The following ZNF207 variants were observed in gnomAD, a reference collection of about 807,000 sequenced individuals.
The protein encoded by ZNF207 is BUB3-interacting and GLEBS motif-containing protein ZNF207.
ZNF207 carries 24 observed loss-of-function variants against 60.2 expected under a neutral mutation model. The observed-to-expected ratio is 0.40, with a 90% CI of 0.29 to 0.56. The LOEUF (loss-of-function observed/expected upper bound fraction) is 0.56. ZNF207 is among the 20% of genes least tolerant of loss of function. The probability of loss-of-function intolerance (pLI) is 0.49; values close to 1 mark genes in which losing one functional copy is unlikely to be tolerated. For synonymous variants in ZNF207, 236 were observed against 194.7 expected (o/e 1.21, Z -1.77); for missense variants, 452 against 636.6 (o/e 0.71, Z 3.12).
intron 2 of ZNF207, among the ~76,000 whole-genome samples, chr17:32,355,370 C>G (rs1382150355): frequency 6.6e-6 from 1 of 152,110 alleles, no homozygotes; most frequent in Non-Finnish European, 1.5e-5. Flanking sequence ...ACTTGGGCTA[C>G]AAGAGTGAAA....
rs953313709 is a variant in ZNF207, at chr17:32,371,895, C to T, written c.*2136C>T. Reference sequence around the variant, plus strand: ...GCCAAGTCCCAAACCACTTTCCCCTCTGAACCTCTGCTTACCTAAATGGTT... The same window carrying T: ...GCCAAGTCCCAAACCACTTTCCCCTTTGAACCTCTGCTTACCTAAATGGTT... On this transcript the variant is annotated 3_prime_UTR_variant, in exon 12 of 12. Transcript: ENST00000394670. 1 of 152,206 alleles carries T rather than the reference C, an allele frequency of 6.6e-6. No homozygotes were observed. Among genetic ancestry groups the T allele is most frequent in the Non-Finnish European group, 1.5e-5 (1 of 68,040 alleles). 9.4% of individuals were successfully genotyped at this position (152,206 alleles called of 1,614,324 possible).
chr17:32,365,738 GTTTT>G (rs60104494), intron 8 of ZNF207: 2 of 134,104 alleles, frequency 1.5e-5, no homozygotes, highest in Non-Finnish European at 3.1e-5. Flanking sequence ...TTTATTCTTA[GTTTT>G]TTTTTTTTTT....
chr17:32,376,852 A>G lies in ZNF207; in HGVS notation c.*7093A>G, dbSNP rs1274884384. 1.3e-5 allele frequency: 2 copies of G among 152,052 alleles called. No individual in the cohort carries two copies. Among genetic ancestry groups the G allele is most frequent in the African/African-American group, 4.8e-5 (2 of 41,438 alleles). The allele number at this position is 152,052 out of a possible 1,614,324, so 9.4% of individuals were successfully genotyped here. A position where few individuals can be genotyped will look rare whatever the true frequency, so the allele number is the denominator to read the frequency against. On this transcript the variant is annotated 3_prime_UTR_variant, in exon 12 of 12. Transcript: ENST00000394670. Reference sequence around the variant, plus strand: ...GGAACCCACCCATTAATTCTAAATGATGTAATGGTCTATAAGGTAGTAATC... The same window carrying G: ...GGAACCCACCCATTAATTCTAAATGGTGTAATGGTCTATAAGGTAGTAATC...
chr17:32,360,860 GTTA>G (rs1364872740), intron 4 of ZNF207, 29 bp from the exon 5 acceptor site: 7 of 1,613,258 alleles, frequency 4.3e-6, no homozygotes, highest in South Asian at 1.1e-5. Context: ...TTTAATATTT[GTTA>G]TTATTTTGAT....
At chr17:32,363,478 G>A (rs1006832945) in intron 7 of ZNF207, among the ~76,000 whole-genome samples, 57 of 144,378 alleles carry the variant, frequency 3.9e-4, no homozygotes, top group African/African-American at 1.3e-3. Flanking sequence ...TACTTAGAGC[G>A]CTTGTATTTG....
chr17:32,350,407 T>G, intron 1 of ZNF207, 81 bp downstream of exon 1: 1 of 1,585,734 alleles, frequency 6.3e-7, no homozygotes, highest in Non-Finnish European at 8.7e-7. Context: ...TGGATTTGGC[T>G]TACGGCGTGG....
chr17:32,354,571 A>G (rs770982755), intron 2 of ZNF207, among the ~76,000 whole-genome samples: 22 of 151,790 alleles, frequency 1.4e-4, no homozygotes, highest in Non-Finnish European at 2.5e-4. Flanking sequence ...TGGCCTCCCA[A>G]AGTGCTGGGA....
chr17:32,357,565 T>C (rs1351230877), intron 2 of ZNF207, among the ~76,000 whole-genome samples: 1 of 151,818 alleles, frequency 6.6e-6, no homozygotes. Context: ...GTCAGGCTGG[T>C]CTCGAACTCT....
At position 32,379,514 on chromosome 17, in the gene ZNF207, T is replaced by C. The variant is rs966961200; in HGVS notation, c.*9755T>C. 1 of 152,140 alleles carries C rather than the reference T, an allele frequency of 6.6e-6. No homozygotes were observed. Among genetic ancestry groups the C allele is most frequent in the African/African-American group, 2.4e-5 (1 of 41,438 alleles). The allele number at this position is 152,140 out of a possible 1,614,324, so 9.4% of individuals were successfully genotyped here. A position where few individuals can be genotyped will look rare whatever the true frequency, so the allele number is the denominator to read the frequency against. ...TTTAAGAAAGTTCTTAAACATTTTT[T>C]TTAGTTGGCAGCCAAAAGATTTTTC... On this transcript the variant is annotated 3_prime_UTR_variant, in exon 12 of 12. Transcript: ENST00000394670.
chr17:32,369,355 C>A lies in ZNF207; in HGVS notation c.1225C>A (p.Pro409Thr). Residue 409 changes from proline to threonine, a missense_variant, in exon 11 of 12, where the codon CCC (proline) becomes ACC (threonine). Pro to Thr is a conservative substitution (Grantham distance 38). Coordinates refer to ENST00000394670, the MANE Select transcript of ZNF207 (RefSeq NM_001098507.2). ...TAATCTTCCTCGGCCAGGACAGGCC[C>A]CCATCGGTAATCCACCAGTTGGACC... is the stretch of plus-strand genomic sequence containing the variant. ...QRNLPRPGQA[P>T]IGNPPVGPIG... is the part of the protein sequence containing the mutation. 3.1e-6 allele frequency: 5 copies of A among 1,614,116 alleles called. No individual in the cohort carries two copies. The highest frequency in any genetic ancestry group is 3.3e-4 in the Middle Eastern group (2 of 6,062).
Position 32,379,464 on chromosome 17 carries a change from A to T in ZNF207, c.*9705A>T, listed in dbSNP as rs997777224. The stretch of plus-strand genomic sequence containing the variant: ...ACATAAATTATTTCATTTTGGTGAG[A>T]TGGAATAAATGTTTAAAATTAGTAT... On this transcript the variant is annotated 3_prime_UTR_variant, in exon 12 of 12. Transcript: ENST00000394670. 1 of 152,136 alleles carries T rather than the reference A, an allele frequency of 6.6e-6. No homozygotes were observed. The highest frequency in any genetic ancestry group is 1.5e-5 in the Non-Finnish European group (1 of 67,976). 9.4% of individuals were successfully genotyped at this position (152,136 alleles called of 1,614,324 possible).
chr17:32,367,839 C>T lies in ZNF207; in HGVS notation c.989C>T (p.Thr330Ile). ...FKPLNSTPAT[T>I]TEPPKPTFPA... ...CCCTTAAATAGTACCCCTGCAACAA[C>T]TACAGAACCCCCAAAGCCTACATTC... Residue 330 changes from threonine (T) to isoleucine (I), a missense_variant, in exon 10 of 12, where the codon ACT becomes ATT. By Grantham distance (89) the Thr-to-Ile change is moderately conservative. Transcript: ENST00000394670. 6.2e-7 allele frequency: 1 copy of T among 1,614,152 alleles called. No homozygotes were observed.
At chr17:32,357,348 ATTATT>A (rs574493464) in intron 2 of ZNF207, among the ~76,000 whole-genome samples, 18,324 of 75,192 alleles carry the variant, frequency 0.24, 1,272 homozygotes, top group Non-Finnish European at 0.29. Context: ...TATTATTATT[ATTATT>A]TTTTTTTTTT....
rs754841457 is a variant in ZNF207, at chr17:32,378,521, A to G, written c.*8762A>G. 2 of 151,988 alleles carry G rather than the reference A, an allele frequency of 1.3e-5. No homozygotes were observed. The highest frequency in any genetic ancestry group is 6.6e-5 in the Admixed American group (1 of 15,248). The allele number at this position is 151,988 out of a possible 1,614,324, so 9.4% of individuals were successfully genotyped here. A position where few individuals can be genotyped will look rare whatever the true frequency, so the allele number is the denominator to read the frequency against. On this transcript the variant is annotated 3_prime_UTR_variant, in exon 12 of 12. Transcript: ENST00000394670. ...TATTTTTGTTCTTTTTTTGTAAACT[A>G]TAACGTATCCCGTTGGTGTACCAGT...
chr17:32,350,452 G>C lies in ZNF207; in HGVS notation c.41+126G>C, dbSNP rs999879859. Reference sequence around the variant, plus strand: ...ATTTAGGCGTCTGCGTGGGTGGCCTGGTGGCTGGGATTGGACTTGGGAAGG... The same window carrying C: ...ATTTAGGCGTCTGCGTGGGTGGCCTCGTGGCTGGGATTGGACTTGGGAAGG... On this transcript the variant is annotated intron_variant, in intron 1 of 11. Transcript: ENST00000394670. 1.1e-4 allele frequency: 140 copies of C among 1,294,090 alleles called. 1 individual carries two copies. The Middle Eastern group carries it at 1.8e-3, about 17-fold the overall frequency. The allele number at this position is 1,294,090 out of a possible 1,614,324, so 80.2% of individuals were successfully genotyped here. A position where few individuals can be genotyped will look rare whatever the true frequency, so the allele number is the denominator to read the frequency against.
At position 32,367,877 on chromosome 17, in the gene ZNF207, C is replaced by A; in HGVS notation, c.1027C>A (p.Gln343Lys). 1 of 1,614,186 alleles carries A rather than the reference C, an allele frequency of 6.2e-7. No individual in the cohort carries two copies. Among genetic ancestry groups the A allele is most frequent in the Non-Finnish European group, 8.5e-7 (1 of 1,180,032 alleles). The change falls in exon 10 of 12, where the codon CAG becomes AAG. Residue 343 changes from glutamine to lysine, a missense_variant. Gln to Lys is a moderately conservative substitution (Grantham distance 53). This residue lies in a region of ZNF207 where 390 missense variants were observed against 461.4 expected (regional missense o/e 0.85). Coordinates refer to ENST00000394670, the MANE Select transcript of ZNF207 (RefSeq NM_001098507.2). ...PPKPTFPAYT[Q>K]STASTTSTTN... ...AAAGCCTACATTCCCTGCTTATACA[C>A]AGTCTACAGCTTCAACAACTAGTAC... is the stretch of plus-strand genomic sequence containing the variant.
At chr17:32,361,277 A>G (rs556310826) in intron 5 of ZNF207, 191 bp from the exon 6 acceptor site, 37 of 574,566 alleles carry the variant, frequency 6.4e-5, no homozygotes, top group African/African-American at 6.2e-4. Flanking sequence ...GACACTTTGT[A>G]GTTGTGACAA....
rs1447045105 is a variant in ZNF207, at chr17:32,357,336, ATTATTATTATTATTATTTT to A, written c.169-1164_169-1146del. 3.5e-3 allele frequency among the ~76,000 whole-genome samples: 304 copies of A among 87,866 alleles called. 7 individuals carry two copies. The highest frequency in any genetic ancestry group is 0.013 in the African/African-American group (269 of 20,048). The allele number at this position is 87,866 out of a possible 152,430, so 57.6% of individuals were successfully genotyped here. On this transcript the variant is annotated intron_variant, in intron 2 of 11. Transcript: ENST00000394670. ...AATTATTATTATTATTATTATTATTATTATTATTATTATTATTTTTTTTTTTTTTTGAGACAGAATCTCG... is the reference window on the plus strand; with the variant it reads ...AATTATTATTATTATTATTATTATTATTTTTTTTTTTGAGACAGAATCTCG...
chr17:32,369,442 A>G lies in ZNF207; in HGVS notation c.1312A>G (p.Met438Val), dbSNP rs36019593. ...IPQQQGMRPP[M>V]PPHGQYGGHH... The stretch of plus-strand genomic sequence containing the variant: ...ACAGCAACAAGGAATGAGACCCCCA[A>G]TGCCACCTCATGGTATTCCTCTTTT... The change falls in exon 11 of 12, where the codon ATG becomes GTG. Residue 438 changes from methionine to valine, a missense_variant. Coordinates refer to ENST00000394670, the MANE Select transcript of ZNF207 (RefSeq NM_001098507.2). 3.8e-4 allele frequency: 610 copies of G among 1,613,996 alleles called. No individual in the cohort carries two copies. Among genetic ancestry groups the G allele is most frequent in the Non-Finnish European group, 4.5e-4 (529 of 1,180,020 alleles).
Sources: allele counts gnomAD v4.1 joint callset (sites outside exome capture counted in the v4.1 genomes callset), GRCh38; gene constraint gnomAD v4.1.1; regional missense constraint gnomAD v4.1.1; transcripts MANE v1.5; gene names NCBI Gene and HGNC (gene_info 2026-07-23, HGNC 2026-07-21).